The following NOS1 variants were observed in gnomAD, a reference collection of about 807,000 sequenced individuals.
The protein encoded by NOS1 is nitric oxide synthase 1, also known as NOS type I.
In NOS1, 51 loss-of-function variants were observed where a neutral mutation model predicts 164.5. The ratio of observed to expected loss-of-function variants is 0.31; its 90% CI spans 0.25 to 0.39. The LOEUF is 0.39. NOS1 is among the 10% of genes least tolerant of loss of function. NOS1 has a pLI of 1.00. For missense variants in NOS1, 1,362 were observed against 1,885.6 expected (o/e 0.72, Z 5.14); for synonymous variants, 719 against 745.8 (o/e 0.96, Z 0.59).
intron 22 of NOS1, among the ~76,000 whole-genome samples, chr12:117,231,412 A>C (rs7315796): frequency 0.18 from 27,124 of 152,024 alleles, 3,079 homozygotes; most frequent in Admixed American, 0.32. Flanking sequence ...AAAATAACTA[A>C]AAGAGTGGAA....
chr12:117,252,028 C>T (rs759022778), intron 17 of NOS1, among the ~76,000 whole-genome samples: 11 of 152,122 alleles, frequency 7.2e-5, no homozygotes, highest in East Asian at 5.8e-4. Flanking sequence ...CCACTGTGCC[C>T]GGCGTTGGCA....
intron 16 of NOS1, chr12:117,255,884 T>C: frequency 8.9e-7 from 1 of 1,121,362 alleles, no homozygotes; most frequent in South Asian, 2.3e-5. Flanking sequence ...AGGCATTGGG[T>C]GTGCATGCAT....
At chr12:117,308,161 C>T (rs1874246262) in intron 3 of NOS1, among the ~76,000 whole-genome samples, 1 of 151,992 alleles carries the variant, frequency 6.6e-6, no homozygotes, top group Non-Finnish European at 1.5e-5. Flanking sequence ...AACTAGAAAG[C>T]CACATCCTGT....
intron 1 of NOS1, chr12:117,348,494 TC>T (rs1475427260): frequency 1.3e-5 from 2 of 152,214 alleles, no homozygotes; most frequent in Non-Finnish European, 2.9e-5. Context: ...CTTACCAACA[TC>T]ATATCTTTGC....
intron 22 of NOS1, among the ~76,000 whole-genome samples, chr12:117,229,603 T>TCTAC (rs1343060795): frequency 6.7e-6 from 1 of 148,550 alleles, no homozygotes; most frequent in Non-Finnish European, 1.5e-5. Flanking sequence ...TATCTATCTA[T>TCTAC]CTGGAGACAG....
chr12:117,269,075 G>A (rs1196233474), intron 10 of NOS1, among the ~76,000 whole-genome samples: 3 of 152,148 alleles, frequency 2.0e-5, no homozygotes, highest in Non-Finnish European at 4.4e-5. Context: ...ACAGTGGTAG[G>A]TACTAATTCT....
intron 22 of NOS1, among the ~76,000 whole-genome samples, chr12:117,230,302 C>T (rs1383347287): frequency 1.3e-5 from 2 of 152,210 alleles, no homozygotes; most frequent in Non-Finnish European, 2.9e-5. Flanking sequence ...CACCCTCCCC[C>T]ATTAATTAAA....
chr12:117,270,654 T>TA (rs1355107947), intron 10 of NOS1, among the ~76,000 whole-genome samples: 3 of 151,800 alleles, frequency 2.0e-5, no homozygotes, highest in Non-Finnish European at 4.4e-5. Context: ...AAGAAACCCT[T>TA]AAAAAAAATC....
rs9658557 is a variant in NOS1 at position 117,215,301 on chromosome 12, G to A, written c.*8C>T. 4.8e-4 allele frequency: 755 copies of A among 1,557,412 alleles called. 5 individuals carry two copies. The African/African-American group carries it at 9.5e-3, about 20-fold the overall frequency. ...AAAACTTGCAGCCGGCTGGGCAAGA[G>A]GGTCCAGTTAGGAGCTGAAAACCCT... On this transcript the variant is annotated 3_prime_UTR_variant, in exon 29 of 29. Coordinates refer to ENST00000317775, the MANE Select transcript of NOS1 (RefSeq NM_000620.5).
At position 117,330,454 on chromosome 12, in the gene NOS1, G is replaced by A; in HGVS notation, c.616C>T (p.Leu206Phe). The part of the protein sequence containing the change: ...LQGRGENNEL[L>F]KEIEPVLSLL... ...CTCAGCACAGGCTCTATCTCCTTGAGCAGTTCATTGTTCTCCCCTCTGCCT... is the reference window on the plus strand; with the variant it reads ...CTCAGCACAGGCTCTATCTCCTTGAACAGTTCATTGTTCTCCCCTCTGCCT... Residue 206 changes from leucine to phenylalanine, a missense_variant, in exon 2 of 29, where the codon CTC becomes TTC. Around this residue, in one of 4 missense-constraint regions of NOS1, gnomAD observed 362 missense variants for 402.0 expected, o/e 0.90. Transcript: ENST00000317775. This position sits in a 1 kb window ranked among gnomAD's most constrained non-coding sequence, Gnocchi z 4.6. The A allele has an allele frequency of 6.2e-7, 1 of 1,614,186 alleles. No homozygotes were observed. Among genetic ancestry groups the A allele is most frequent in the Non-Finnish European group, 8.5e-7 (1 of 1,180,042 alleles).
chr12:117,321,446 GC>G (rs1236453584), intron 2 of NOS1, among the ~76,000 whole-genome samples: 1 of 152,188 alleles, frequency 6.6e-6, no homozygotes, highest in East Asian at 1.9e-4. Context: ...GCGGTGAGAA[GC>G]CCCCTGGTTA....
chr12:117,290,513 T>C, intron 3 of NOS1, 87 bp from the exon 4 acceptor site: 5 of 1,478,520 alleles, frequency 3.4e-6, no homozygotes, highest in Non-Finnish European at 4.5e-6. Context: ...GAGCCATTGT[T>C]CTTCCTGGGA....
intron 20 of NOS1, among the ~76,000 whole-genome samples, chr12:117,236,514 A>G (rs1447248839): frequency 6.6e-6 from 1 of 152,216 alleles, no homozygotes; most frequent in Non-Finnish European, 1.5e-5. Context: ...CTGGAGTCCC[A>G]CTGGCCCTCC....
At chr12:117,353,254 A>G (rs560122137) in intron 1 of NOS1, among the ~76,000 whole-genome samples, 2 of 148,920 alleles carry the variant, frequency 1.3e-5, no homozygotes, top group African/African-American at 2.4e-5. Flanking sequence ...TCAATCATCT[A>G]TCTACCTACC....
In NOS1 at chr12:117,356,675, G is replaced by C. The variant is rs1876867102; in HGVS notation, c.-421+4837C>G. ...TGCTGCCGAACAGCCCACGATAACTGCTGTTCATCCTTAGCATCATACGAC... is the reference window on the plus strand; with the variant it reads ...TGCTGCCGAACAGCCCACGATAACTCCTGTTCATCCTTAGCATCATACGAC... On this transcript the variant is annotated intron_variant, in intron 1 of 28. Transcript: ENST00000317775. The surrounding 1 kb of genome is among the most constrained non-coding windows in gnomAD (Gnocchi z 4.2). 6.6e-6 allele frequency among the ~76,000 whole-genome samples: 1 copy of C among 152,186 alleles called. No homozygotes were observed. The highest frequency in any genetic ancestry group is 2.1e-4 in the South Asian group (1 of 4,820).
At chr12:117,323,072 G>A (rs990075644) in intron 2 of NOS1, among the ~76,000 whole-genome samples, 9 of 152,126 alleles carry the variant, frequency 5.9e-5, no homozygotes, top group African/African-American at 1.7e-4. Context: ...TGCCCCTGCC[G>A]TGTTGTCAGG....
At chr12:117,245,593 G>A (rs1409232958) in intron 18 of NOS1, 4 of 152,700 alleles carry the variant, frequency 2.6e-5, no homozygotes, top group African/African-American at 9.7e-5. Flanking sequence ...GGTATAACTG[G>A]GGATTCTGGA....
intron 19 of NOS1, 100 bp from the exon 20 acceptor site, chr12:117,242,805 A>G (rs1870294482): frequency 9.9e-7 from 1 of 1,006,032 alleles, no homozygotes; most frequent in Admixed American, 1.8e-5. Flanking sequence ...AATCCCAACT[A>G]CTTAGGAGGC....
chr12:117,212,421 C>T lies in NOS1; in HGVS notation c.*2888G>A, dbSNP rs1009628011. 1 of 985,306 alleles carries T rather than the reference C, an allele frequency of 1.0e-6. No homozygotes were observed. The highest frequency in any genetic ancestry group is 1.2e-6 in the Non-Finnish European group (1 of 829,932). The allele number at this position is 985,306 out of a possible 1,614,324, so 61.0% of individuals were successfully genotyped here. A position where few individuals can be genotyped will look rare whatever the true frequency, so the allele number is the denominator to read the frequency against. ...GCAAAAGAAAGACACCTGGCTGTCT[C>T]ACTCCAGGGAAACCAAAAGAAGCCC... On this transcript the variant is annotated 3_prime_UTR_variant, in exon 29 of 29. Coordinates refer to ENST00000317775, the MANE Select transcript of NOS1 (RefSeq NM_000620.5).
Sources: gnomAD v4.1 joint callset for allele counts (sites outside exome capture counted in the v4.1 genomes callset) on GRCh38, gnomAD v4.1.1 for gene constraint, gnomAD v4.1.1 regional missense constraint, Gnocchi (gnomAD v3.1) non-coding constraint, MANE v1.5 for transcripts, NCBI Gene and HGNC (gene_info 2026-07-23, HGNC 2026-07-21) for gene names.